DSCAM: variants seen among roughly 807,000 people sequenced by gnomAD.
DSCAM encodes the protein DS cell adhesion molecule.
In DSCAM, 47 loss-of-function variants were observed where a neutral mutation model predicts 217.7. That is an observed-to-expected ratio of 0.22 (90% CI 0.17 to 0.28). The LOEUF (loss-of-function observed/expected upper bound fraction) is 0.28. DSCAM is among the 10% of genes least tolerant of loss of function. The pLI, the probability that DSCAM is intolerant of heterozygous loss-of-function variation, is 1.00. For missense variants in DSCAM, 2,080 were observed against 2,618.3 expected (o/e 0.79, Z 4.49); for synonymous variants, 1,056 against 1,015.3 (o/e 1.04, Z -0.76).
At chr21:40,187,002 T>A (rs1568989284) in intron 14 of DSCAM, 129 bp downstream of exon 14, 11 of 1,145,980 alleles carry the variant, frequency 9.6e-6, no homozygotes, top group African/African-American at 1.6e-5. Flanking sequence ...GCAAGGAGAC[T>A]GGGGGAAGTG....
chr21:40,559,490 C>A (rs574982856), intron 3 of DSCAM, among the ~76,000 whole-genome samples: 1 of 148,258 alleles, frequency 6.7e-6, no homozygotes, highest in South Asian at 2.1e-4. Context: ...CAAGTAAAGA[C>A]AAATGATTTT....
chr21:40,705,392 T>C (rs763854714), intron 2 of DSCAM, among the ~76,000 whole-genome samples: 3 of 149,884 alleles, frequency 2.0e-5, no homozygotes, highest in Admixed American at 6.7e-5. Flanking sequence ...TTCAGATATT[T>C]TGTCTGCATT....
intron 11 of DSCAM, among the ~76,000 whole-genome samples, chr21:40,270,502 T>C (rs1312985464): frequency 1.3e-5 from 2 of 152,218 alleles, no homozygotes; most frequent in Non-Finnish European, 2.9e-5. Context: ...TTCACAAACC[T>C]GGGACACCTC....
chr21:40,062,792 A>T, intron 28 of DSCAM, 77 bp downstream of exon 28: 3 of 1,396,540 alleles, frequency 2.1e-6, no homozygotes, highest in Non-Finnish European at 2.9e-6. Flanking sequence ...CCATTATTAA[A>T]AAAATAGAAA....
chr21:40,143,773 A>G (rs1233694059), intron 17 of DSCAM, among the ~76,000 whole-genome samples: 1 of 152,168 alleles, frequency 6.6e-6, no homozygotes, highest in Non-Finnish European at 1.5e-5. Flanking sequence ...CCTGGGAGAG[A>G]GAGCCGGACT....
At chr21:40,807,517 A>G (rs1428656430) in intron 1 of DSCAM, among the ~76,000 whole-genome samples, 2 of 152,160 alleles carry the variant, frequency 1.3e-5, no homozygotes, top group African/African-American at 2.4e-5. Context: ...TCCTCTTGGA[A>G]AGCTTCTATG....
intron 1 of DSCAM, among the ~76,000 whole-genome samples, chr21:40,809,534 A>C (rs913305361): frequency 6.6e-6 from 1 of 152,172 alleles, no homozygotes; most frequent in African/African-American, 2.4e-5. Context: ...AAGATGTTAA[A>C]CATATAAGAA....
chr21:40,280,641 GT>G (rs1460892895), intron 10 of DSCAM, among the ~76,000 whole-genome samples: 1 of 152,150 alleles, frequency 6.6e-6, no homozygotes, highest in Non-Finnish European at 1.5e-5. Context: ...AATTCAAACA[GT>G]AAAAAAGTAA....
At chr21:40,247,337 C>T (rs1034991470) in intron 11 of DSCAM, among the ~76,000 whole-genome samples, 4 of 152,166 alleles carry the variant, frequency 2.6e-5, no homozygotes, top group African/African-American at 4.8e-5. Flanking sequence ...AGTTCACAGT[C>T]CAAAGTCTCA....
rs1014913091 is a variant in DSCAM, at chr21:40,319,671, A to G, written c.1784-7312T>C. 5.3e-5 allele frequency among the ~76,000 whole-genome samples: 8 copies of G among 152,128 alleles called. No homozygotes were observed. The East Asian group carries it at 7.7e-4, about 15-fold the overall frequency. Reference sequence around the variant, plus strand: ...TCCTATTGTTTCCTATCATGTCTACACTAATTTACATCCCCACCAACACTG... The same window carrying G: ...TCCTATTGTTTCCTATCATGTCTACGCTAATTTACATCCCCACCAACACTG... On this transcript the variant is annotated intron_variant, in intron 8 of 32. Transcript: ENST00000400454.
chr21:40,138,629 A>G (rs1181401877), intron 18 of DSCAM, among the ~76,000 whole-genome samples: 6 of 77,740 alleles, frequency 7.7e-5, no homozygotes, highest in South Asian at 4.7e-4. Context: ...TGTGTGGTGT[A>G]TGTGGGGTAC....
chr21:40,166,184 A>T (rs966106193), intron 16 of DSCAM, among the ~76,000 whole-genome samples: 10 of 152,182 alleles, frequency 6.6e-5, no homozygotes, highest in African/African-American at 2.2e-4. Flanking sequence ...ACAATCAAAC[A>T]AACAAACAGA....
At chr21:40,765,369 T>TG (rs35455592) in intron 1 of DSCAM, among the ~76,000 whole-genome samples, 47,632 of 151,896 alleles carry the variant, frequency 0.31, 8,588 homozygotes, top group Non-Finnish European at 0.4. Flanking sequence ...TCTGCTTCCG[T>TG]GGGGCCTTTT....
intron 24 of DSCAM, among the ~76,000 whole-genome samples, chr21:40,082,051 T>C (rs1404599335): frequency 6.6e-6 from 1 of 152,190 alleles, no homozygotes; most frequent in Non-Finnish European, 1.5e-5. Flanking sequence ...CCTGGAACCT[T>C]TGGTAGGCCA....
intron 3 of DSCAM, among the ~76,000 whole-genome samples, chr21:40,460,402 G>T (rs935347413): frequency 4.6e-5 from 7 of 151,950 alleles, no homozygotes; most frequent in Admixed American, 4.6e-4. Context: ...CAAAAATATG[G>T]GAAATTTTGT....
At chr21:40,105,340 G>T (rs1302795567) in intron 20 of DSCAM, among the ~76,000 whole-genome samples, 2 of 152,156 alleles carry the variant, frequency 1.3e-5, no homozygotes, top group African/African-American at 4.8e-5. Context: ...TGGGTTGGCT[G>T]TGTCCCCACC....
chr21:40,775,659 A>G (rs77791631), intron 1 of DSCAM, among the ~76,000 whole-genome samples: 1,818 of 152,180 alleles, frequency 0.012, 17 homozygotes, highest in Non-Finnish European at 0.018. Context: ...CAACCTTTGG[A>G]CTCTAGGAAC....
intron 3 of DSCAM, among the ~76,000 whole-genome samples, chr21:40,439,677 TCA>T (rs3069913): frequency 0.21 from 31,735 of 152,066 alleles, 3,296 homozygotes; most frequent in Middle Eastern, 0.26. Context: ...TTTAATTTAC[TCA>T]CAGTTCCACG....
intron 11 of DSCAM, among the ~76,000 whole-genome samples, chr21:40,256,676 A>G (rs1041893663): frequency 2.6e-5 from 4 of 152,152 alleles, no homozygotes; most frequent in African/African-American, 7.2e-5. Context: ...CGCATTATGA[A>G]GGATAATCTA....
Sources: allele counts gnomAD v4.1 joint callset (sites outside exome capture counted in the v4.1 genomes callset), GRCh38; gene constraint gnomAD v4.1.1; transcripts MANE v1.5; gene names NCBI Gene and HGNC (gene_info 2026-07-23, HGNC 2026-07-21).